PDE4D: variants seen among roughly 807,000 people sequenced by gnomAD.
PDE4D encodes the protein phosphodiesterase 4D.
PDE4D carries 24 observed loss-of-function variants against 87.4 expected under a neutral mutation model. The ratio of observed to expected loss-of-function variants is 0.27; its 90% CI spans 0.20 to 0.39. PDE4D has a LOEUF of 0.39. PDE4D is among the 10% of genes least tolerant of loss of function. PDE4D has a pLI of 1.00. For missense variants in PDE4D, 714 were observed against 1,041.0 expected, an observed-to-expected ratio of 0.69 and a Z score of 4.32; for synonymous variants, 384 against 383.2, an observed-to-expected ratio of 1.00 and a Z score of -0.02.
intron 1 of PDE4D, among the ~76,000 whole-genome samples, chr5:59,365,607 C>A (rs1053551062): frequency 6.6e-6 from 1 of 152,186 alleles, no homozygotes; most frequent in Admixed American, 6.5e-5. Flanking sequence ...CCAGTCAATT[C>A]TTTCTATTCT....
intron 1 of PDE4D, among the ~76,000 whole-genome samples, chr5:60,339,883 C>G (rs1234710741): frequency 1.3e-5 from 2 of 152,324 alleles, no homozygotes; most frequent in African/African-American, 4.8e-5. Context: ...TGTTCCGAGG[C>G]AACTCAGCAT....
intron 1 of PDE4D, among the ~76,000 whole-genome samples, chr5:60,307,523 G>A (rs369868372): frequency 1.3e-5 from 2 of 152,180 alleles, no homozygotes; most frequent in East Asian, 3.9e-4. Context: ...AAGAAGAAAG[G>A]CAAAACCCCA....
chr5:59,689,968 T>C (rs1260866609), intron 1 of PDE4D, among the ~76,000 whole-genome samples: 2 of 152,148 alleles, frequency 1.3e-5, no homozygotes, highest in African/African-American at 2.4e-5. Flanking sequence ...CAATTCACAA[T>C]TGCTTCAAAG....
intron 5 of PDE4D, among the ~76,000 whole-genome samples, chr5:59,096,699 G>C (rs1769787864): frequency 6.6e-6 from 1 of 152,126 alleles, no homozygotes; most frequent in Non-Finnish European, 1.5e-5. Context: ...TCAGGCATCA[G>C]GGAGAAAACA....
At chr5:59,416,156 A>G (rs1280607422) in intron 1 of PDE4D, among the ~76,000 whole-genome samples, 1 of 152,198 alleles carries the variant, frequency 6.6e-6, no homozygotes, top group Non-Finnish European at 1.5e-5. Context: ...GAACAACTCA[A>G]ATTCCCCTTT....
intron 1 of PDE4D, among the ~76,000 whole-genome samples, chr5:59,764,553 A>G (rs1762546499): frequency 6.6e-6 from 1 of 152,132 alleles, no homozygotes; most frequent in Non-Finnish European, 1.5e-5. Context: ...CTTTAAATGG[A>G]TCATGAAAAC....
chr5:59,136,262 C>T (rs775637480), intron 5 of PDE4D, among the ~76,000 whole-genome samples: 1 of 152,060 alleles, frequency 6.6e-6, no homozygotes, highest in Non-Finnish European at 1.5e-5. Context: ...TTGTGAATCT[C>T]AGGGTCAGTG....
intron 1 of PDE4D, among the ~76,000 whole-genome samples, chr5:59,530,998 TG>T (rs1290558052): frequency 1.3e-5 from 2 of 152,190 alleles, no homozygotes; most frequent in Non-Finnish European, 2.9e-5. Context: ...TTGAATACGG[TG>T]TATTGAATTT....
intron 1 of PDE4D, among the ~76,000 whole-genome samples, chr5:60,432,775 A>C (rs1017053933): frequency 6.6e-6 from 1 of 152,152 alleles, no homozygotes; most frequent in African/African-American, 2.4e-5. Context: ...ATATAAACCC[A>C]CACACTTACA....
intron 1 of PDE4D, among the ~76,000 whole-genome samples, chr5:60,257,783 G>A (rs1337965368): frequency 6.6e-6 from 1 of 151,948 alleles, no homozygotes; most frequent in African/African-American, 2.4e-5. Flanking sequence ...GCAGAAGGAT[G>A]TCTGCAGAAG....
At chr5:59,058,931 TTC>T (rs1762735963) in intron 5 of PDE4D, among the ~76,000 whole-genome samples, 1 of 152,196 alleles carries the variant, frequency 6.6e-6, no homozygotes, top group Non-Finnish European at 1.5e-5. Flanking sequence ...TAATTAAAGC[TTC>T]TCAGGTTAAA....
chr5:60,047,982 A>C (rs866512351), intron 2 of PDE4D, among the ~76,000 whole-genome samples: 1 of 152,236 alleles, frequency 6.6e-6, no homozygotes, highest in Middle Eastern at 3.4e-3. Context: ...GTCTCCCATT[A>C]TTAATGTGTG....
chr5:59,841,858 G>A (rs1311911055), intron 1 of PDE4D, among the ~76,000 whole-genome samples: 1 of 152,086 alleles, frequency 6.6e-6, no homozygotes, highest in Non-Finnish European at 1.5e-5. Context: ...GTCCACTCAA[G>A]AAGCTGCGAA....
At chr5:60,071,273 T>C (rs149704385) in intron 2 of PDE4D, among the ~76,000 whole-genome samples, 8 of 152,118 alleles carry the variant, frequency 5.3e-5, no homozygotes, top group African/African-American at 1.7e-4. Flanking sequence ...CCTTGAGATG[T>C]AGTATTAAAT....
chr5:60,350,392 C>A (rs571601745), intron 1 of PDE4D, among the ~76,000 whole-genome samples: 1 of 152,136 alleles, frequency 6.6e-6, no homozygotes, highest in African/African-American at 2.4e-5. Context: ...TCTCTCCAGG[C>A]TAGGAGTTCT....
intron 2 of PDE4D, among the ~76,000 whole-genome samples, chr5:60,040,932 A>C (rs1438580982): frequency 6.6e-6 from 1 of 152,192 alleles, no homozygotes; most frequent in Non-Finnish European, 1.5e-5. Context: ...TTGAAAACAA[A>C]ACTCTCCTCA....
chr5:59,757,936 A>G (rs1761485585), intron 1 of PDE4D, among the ~76,000 whole-genome samples: 1 of 152,192 alleles, frequency 6.6e-6, no homozygotes, highest in South Asian at 2.1e-4. Context: ...TACAAGCCAC[A>G]TGTGTAAACT....
chr5:59,499,599 C>A (rs1046852467), intron 1 of PDE4D, among the ~76,000 whole-genome samples: 1 of 151,892 alleles, frequency 6.6e-6, no homozygotes, highest in African/African-American at 2.4e-5. Context: ...ACATCACAAC[C>A]AATCCCATAG....
At chr5:60,153,531 A>G (rs1781702530) in intron 2 of PDE4D, among the ~76,000 whole-genome samples, 1 of 152,218 alleles carries the variant, frequency 6.6e-6, no homozygotes, top group Non-Finnish European at 1.5e-5. Flanking sequence ...CATATATCCA[A>G]AGGAAATAAA....
Sources: gnomAD v4.1 joint callset for allele counts (sites outside exome capture counted in the v4.1 genomes callset) on GRCh38, gnomAD v4.1.1 for gene constraint, MANE v1.5 for transcripts, NCBI Gene and HGNC (gene_info 2026-07-23, HGNC 2026-07-21) for gene names.